SERHL2: variants seen among roughly 807,000 people sequenced by gnomAD.
The protein encoded by SERHL2 is serine hydrolase-like protein 2.
A neutral mutation model predicts 25.5 loss-of-function variants in SERHL2; 29 were observed. The ratio of observed to expected loss-of-function variants is 1.14; its 90% CI spans 0.85 to 1.55. The LOEUF is 1.55. Among genes scored for constraint, SERHL2 ranks in the 40% most tolerant of loss-of-function variants. The probability of loss-of-function intolerance (pLI) is 0.00; values close to 1 mark genes in which losing one functional copy is unlikely to be tolerated. For synonymous variants in SERHL2, 95 were observed against 103.5 expected (o/e 0.92, Z 0.50); for missense variants, 240 against 252.3 (o/e 0.95, Z 0.33).
chr22:42,572,665 G>C (rs1254704913), intron 11 of SERHL2, 136 bp downstream of exon 11: 2 of 1,430,044 alleles, frequency 1.4e-6, no homozygotes, highest in Non-Finnish European at 9.2e-7. Context: ...GATCTATCAG[G>C]CCTCATGCTC....
intron 9 of SERHL2, among the ~76,000 whole-genome samples, chr22:42,567,693 A>AAAT (rs1923594968): frequency 2.6e-5 from 4 of 150,992 alleles, no homozygotes; most frequent in Admixed American, 2.0e-4. Flanking sequence ...AATAAATAAA[A>AAAT]AAAATAAAAG....
chr22:42,565,668 C>T lies in SERHL2; in HGVS notation c.614-636C>T, dbSNP rs1041108960. Among the ~76,000 whole-genome samples the T allele has an allele frequency of 3.0e-4, 45 of 151,276 alleles. 1 individual carries two copies. Among genetic ancestry groups the T allele is most frequent in the Non-Finnish European group, 4.0e-4 (27 of 67,772 alleles). Reference sequence around the variant, plus strand: ...TTTTGTGTAGAGATGGGGTCCTGCTCCATTGCCCACGCTGGTCTCAAGTGA... The same window carrying T: ...TTTTGTGTAGAGATGGGGTCCTGCTTCATTGCCCACGCTGGTCTCAAGTGA... On this transcript the variant is annotated intron_variant, in intron 8 of 11. Transcript: ENST00000327678.
At chr22:42,560,583 G>A (rs912668766) in intron 8 of SERHL2, among the ~76,000 whole-genome samples, 1 of 151,970 alleles carries the variant, frequency 6.6e-6, no homozygotes, top group Non-Finnish European at 1.5e-5. Flanking sequence ...GGTGCCCAGC[G>A]CCAGAGGCAG....
intron 8 of SERHL2, among the ~76,000 whole-genome samples, chr22:42,560,934 C>T (rs148562191): frequency 3.0e-3 from 448 of 151,714 alleles, no homozygotes; most frequent in African/African-American, 0.01. Flanking sequence ...GCTACAGGCC[C>T]GGCTCAGTGA....
rs142103668 is a variant in SERHL2, at chr22:42,566,170, C to G, written c.614-134C>G. 1.6e-3 allele frequency: 1,340 copies of G among 817,040 alleles called. 14 individuals are homozygous for G. In the African/African-American group the frequency reaches 0.021, roughly 13 times the overall value. 50.6% of individuals were successfully genotyped at this position (817,040 alleles called of 1,614,324 possible). ...CCCCAGGACAGGGAGTCCTGGGCAG[C>G]TGAGGACGTCGGGGGCAGGTGGGAG... is the stretch of plus-strand genomic sequence containing the variant. On this transcript the variant is annotated intron_variant, in intron 8 of 11. Transcript: ENST00000327678.
Position 42,567,715 on chromosome 22 carries a change from TTTAATTTTATTA to T in SERHL2, c.648+1381_648+1392del, listed in dbSNP as rs1236215157. Among the ~76,000 whole-genome samples, 330 of 133,010 alleles carry T rather than the reference TTTAATTTTATTA, an allele frequency of 2.5e-3. 11 individuals are homozygous for T. Among genetic ancestry groups the T allele is most frequent in the Non-Finnish European group, 3.6e-3 (224 of 61,684 alleles). The allele number at this position is 133,010 out of a possible 152,430, so 87.3% of individuals were successfully genotyped here. ...AAAAAAAATAAAAGTTCGATTTTTC[TTTAATTTTATTA>T]TTATTATTATTATTATTATTGATAC... is the stretch of plus-strand genomic sequence containing the variant. On this transcript the variant is annotated intron_variant, in intron 9 of 11. Transcript: ENST00000327678.
intron 8 of SERHL2, among the ~76,000 whole-genome samples, chr22:42,563,968 G>A (rs1923017907): frequency 9.2e-6 from 1 of 108,510 alleles, no homozygotes; most frequent in South Asian, 3.8e-4. Context: ...AGCTACTGGG[G>A]AGGCTGAGGC....
chr22:42,556,409 C>T (rs1601828235), intron 5 of SERHL2, 105 bp from the exon 6 acceptor site: 1 of 1,129,976 alleles, frequency 8.8e-7, no homozygotes, highest in South Asian at 1.5e-5. Context: ...GCACCCTCCC[C>T]CCAGCCTAAA....
chr22:42,573,352 T>TCCTG (rs1236305503), intron 11 of SERHL2: 1 of 151,266 alleles, frequency 6.6e-6, no homozygotes, highest in African/African-American at 2.4e-5. Flanking sequence ...CATGCCATTC[T>TCCTG]CCTGCCTCAG....
chr22:42,571,529 G>A (rs1924189165), intron 10 of SERHL2: 20 of 1,057,738 alleles, frequency 1.9e-5, no homozygotes, highest in Middle Eastern at 4.1e-4. Flanking sequence ...GGATTCAAAC[G>A]ATTCTCCTGC....
chr22:42,553,964 C>A lies in SERHL2; in HGVS notation c.-57C>A. 1 of 1,607,430 alleles carries A rather than the reference C, an allele frequency of 6.2e-7. No homozygotes were observed. Among genetic ancestry groups the A allele is most frequent in the South Asian group, 1.1e-5 (1 of 90,564 alleles). On this transcript the variant is annotated 5_prime_UTR_variant, in exon 1 of 12. Transcript: ENST00000327678. ...CCGGAATTGCGGGCGTCACTCTGCT[C>A]CTGCGACCTAGCCAGGCGTGAGGGA...
Position 42,562,746 on chromosome 22 carries a change from G to C in SERHL2, c.613+2481G>C, listed in dbSNP as rs991029614. Among the ~76,000 whole-genome samples the C allele has an allele frequency of 7.2e-5, 11 of 151,964 alleles. 1 individual carries two copies. Among genetic ancestry groups the C allele is most frequent in the African/African-American group, 2.7e-4 (11 of 41,396 alleles). ...GAGGTGTGAGCTGGTGGTGCAGGAT[G>C]GGGAGAGAGCAGCAGAGATGAGCTC... On this transcript the variant is annotated intron_variant, in intron 8 of 11. Coordinates refer to ENST00000327678, the MANE Select transcript of SERHL2 (RefSeq NM_014509.5).
At chr22:42,568,259 G>A (rs1001952795) in intron 9 of SERHL2, among the ~76,000 whole-genome samples, 3 of 151,872 alleles carry the variant, frequency 2.0e-5, no homozygotes, top group African/African-American at 7.2e-5. Flanking sequence ...CTGGGCTCAA[G>A]CTATCCTCCC....
At chr22:42,567,883 C>A (rs1427917184) in intron 9 of SERHL2, among the ~76,000 whole-genome samples, 3 of 151,442 alleles carry the variant, frequency 2.0e-5, no homozygotes, top group African/African-American at 4.8e-5. Flanking sequence ...GCACCCACCA[C>A]CACACCTGGC....
chr22:42,559,229 T>A (rs1354218872), intron 7 of SERHL2, among the ~76,000 whole-genome samples: 16 of 69,304 alleles, frequency 2.3e-4, no homozygotes, highest in South Asian at 1.5e-3. Context: ...ACCCTGTATT[T>A]AAAAAAAAAA....
Position 42,560,261 on chromosome 22 carries a change from C to G in SERHL2, c.609C>G (p.Ala203=), listed in dbSNP as rs1406489837. ...TGCAAAGAGGAACCACGAAGGTGGC[C>G]ACAGGTAAGGGACTCTACTGTCCAA... is the stretch of plus-strand genomic sequence containing the variant. ...LLLQRGTTKV[A]TGLVLNRDQR... Residue 203 remains alanine, a synonymous_variant, in exon 8 of 12, where the codon GCC becomes GCG. Transcript: ENST00000327678. 6.2e-7 allele frequency: 1 copy of G among 1,608,436 alleles called. No individual in the cohort carries two copies. Among genetic ancestry groups the G allele is most frequent in the Middle Eastern group, 1.7e-4 (1 of 6,060 alleles).
At chr22:42,565,499 T>A (rs1218231344) in intron 8 of SERHL2, among the ~76,000 whole-genome samples, 1 of 151,876 alleles carries the variant, frequency 6.6e-6, no homozygotes, top group Non-Finnish European at 1.5e-5. Context: ...CTAATTTTTG[T>A]ATTTTTAGTA....
chr22:42,553,968 C>T lies in SERHL2; in HGVS notation c.-53C>T. On this transcript the variant is annotated 5_prime_UTR_variant, in exon 1 of 12. Transcript: ENST00000327678. Reference sequence around the variant, plus strand: ...AATTGCGGGCGTCACTCTGCTCCTGCGACCTAGCCAGGCGTGAGGGAGTGA... The same window carrying T: ...AATTGCGGGCGTCACTCTGCTCCTGTGACCTAGCCAGGCGTGAGGGAGTGA... 1.9e-6 allele frequency: 3 copies of T among 1,608,058 alleles called. No individual in the cohort carries two copies. The highest frequency in any genetic ancestry group is 1.1e-5 in the South Asian group (1 of 90,618).
At chr22:42,566,219 C>CT in intron 8 of SERHL2, 85 bp from the exon 9 acceptor site, 3 of 1,409,534 alleles carry the variant, frequency 2.1e-6, no homozygotes, top group Non-Finnish European at 3.0e-6. Context: ...CTGCAAAGGC[C>CT]TGGAGGGTTC....
Sources: gnomAD v4.1 joint callset for allele counts (sites outside exome capture counted in the v4.1 genomes callset) on GRCh38, gnomAD v4.1.1 for gene constraint, MANE v1.5 for transcripts, NCBI Gene and HGNC (gene_info 2026-07-23, HGNC 2026-07-21) for gene names.